GRIP1: variants seen among roughly 807,000 people sequenced by gnomAD.
GRIP1 encodes glutamate receptor interacting protein 1, also known as glutamate receptor-interacting protein 1.
GRIP1 carries 45 observed loss-of-function variants against 129.9 expected under a neutral mutation model. The ratio of observed to expected loss-of-function variants is 0.35; its 90% CI spans 0.27 to 0.44. GRIP1 has a LOEUF of 0.44. Among genes scored for constraint, GRIP1 ranks in the 20% least tolerant of loss-of-function variants. The pLI, the probability that GRIP1 is intolerant of heterozygous loss-of-function variation, is 1.00. For synonymous variants in GRIP1, 530 were observed against 520.8 expected, an observed-to-expected ratio of 1.02 and a Z score of -0.24; for missense variants, 1,196 against 1,396.8, an observed-to-expected ratio of 0.86 and a Z score of 2.29.
chr12:66,635,195 G>C (rs899387266), intron 1 of GRIP1, among the ~76,000 whole-genome samples: 1 of 152,116 alleles, frequency 6.6e-6, no homozygotes, highest in Non-Finnish European at 1.5e-5. Flanking sequence ...GAGGTAGGAA[G>C]ATGGTTGAGG....
chr12:66,614,076 T>C lies in GRIP1; in HGVS notation c.56-17149A>G. 1.3e-5 allele frequency among the ~76,000 whole-genome samples: 2 copies of C among 152,190 alleles called. 1 individual carries two copies. The highest frequency in any genetic ancestry group is 1.3e-4 in the Admixed American group (2 of 15,266). ...TCACTGACCACACCTTCTCAACCTC[T>C]GTTGGTGCCTCCTTCCCTTTCTCCT... On this transcript the variant is annotated intron_variant, in intron 1 of 24. Coordinates refer to ENST00000359742, the MANE Select transcript of GRIP1 (RefSeq NM_001366722.1).
At chr12:66,664,912 C>A (rs1454826480) in intron 1 of GRIP1, among the ~76,000 whole-genome samples, 2 of 152,128 alleles carry the variant, frequency 1.3e-5, no homozygotes, top group African/African-American at 2.4e-5. Flanking sequence ...CTCCCTCATT[C>A]CCCTTCCTCA....
intron 5 of GRIP1, among the ~76,000 whole-genome samples, chr12:66,525,190 A>G (rs1199095985): frequency 6.6e-6 from 1 of 152,228 alleles, no homozygotes; most frequent in Non-Finnish European, 1.5e-5. Context: ...TGAGGTTTGC[A>G]TTATCCTGAT....
At position 66,348,989 on chromosome 12, in the gene GRIP1, GTC is replaced by G. The variant is rs573740265; in HGVS notation, c.*28_*29del. On this transcript the variant is annotated 3_prime_UTR_variant, in exon 25 of 25. Transcript: ENST00000359742. ...GGATTTTTAGCACCATGTAGATATT[GTC>G]TTTTGTCCTGCTTTATAAAAAGCGT... 69 of 1,417,740 alleles carry G rather than the reference GTC, an allele frequency of 4.9e-5. No individual in the cohort carries two copies. Among genetic ancestry groups the G allele is most frequent in the Non-Finnish European group, 6.5e-5 (65 of 1,000,452 alleles). 87.8% of individuals were successfully genotyped at this position (1,417,740 alleles called of 1,614,324 possible).
intron 1 of GRIP1, among the ~76,000 whole-genome samples, chr12:67,018,009 T>C (rs1411297698): frequency 6.6e-6 from 1 of 152,208 alleles, no homozygotes; most frequent in Non-Finnish European, 1.5e-5. Context: ...CCACAACAGA[T>C]ACCTGAAATA....
Position 67,030,211 on chromosome 12 carries a change from AAAT to A in GRIP1, c.58+38836_58+38838del, listed in dbSNP as rs67187831. ...GGGTAACAGAGCGAGACTCTGTCTC[AAAT>A]AATAATAATAATAATAATAATAATA... is the stretch of plus-strand genomic sequence containing the variant. On this transcript the variant is annotated intron_variant, in intron 1 of 1. Coordinates refer to the GRIP1 transcript ENST00000643019. Among the ~76,000 whole-genome samples, 493 of 145,566 alleles carry A rather than the reference AAAT, an allele frequency of 3.4e-3. 1 individual carries two copies. Among genetic ancestry groups the A allele is most frequent in the African/African-American group, 0.01 (416 of 39,884 alleles).
chr12:66,388,322 T>C (rs2056441842), intron 19 of GRIP1, among the ~76,000 whole-genome samples: 1 of 152,210 alleles, frequency 6.6e-6, no homozygotes, highest in Non-Finnish European at 1.5e-5. Context: ...TAATTTCATT[T>C]TCTGAGAGAA....
chr12:66,949,827 G>A (rs2041728308), intron 1 of GRIP1, among the ~76,000 whole-genome samples: 1 of 147,852 alleles, frequency 6.8e-6, no homozygotes, highest in African/African-American at 2.5e-5. Context: ...GAGTGCAGTG[G>A]CGTGATCTCG....
At chr12:66,812,773 C>T (rs949056398) in intron 1 of GRIP1, among the ~76,000 whole-genome samples, 1 of 152,150 alleles carries the variant, frequency 6.6e-6, no homozygotes, top group Non-Finnish European at 1.5e-5. Context: ...TAGAACTGGT[C>T]CTATTTCACA....
At chr12:66,649,489 C>T (rs186324695) in intron 1 of GRIP1, among the ~76,000 whole-genome samples, 67 of 152,304 alleles carry the variant, frequency 4.4e-4, no homozygotes, top group African/African-American at 1.4e-3. Flanking sequence ...TGACAATGTG[C>T]AAGGAACCAT....
intron 1 of GRIP1, among the ~76,000 whole-genome samples, chr12:66,847,312 G>C (rs1259441623): frequency 6.6e-6 from 1 of 151,996 alleles, no homozygotes; most frequent in Admixed American, 6.6e-5. Flanking sequence ...GAATGATCTG[G>C]TCCCTTCCTA....
chr12:66,369,340 C>CTT (rs758593628), intron 23 of GRIP1, among the ~76,000 whole-genome samples: 2,011 of 106,678 alleles, frequency 0.019, 91 homozygotes, highest in African/African-American at 0.067. Context: ...TTAACAAGAT[C>CTT]TTTTTTTTTT....
At chr12:67,053,353 T>C (rs1427343476) in intron 1 of GRIP1, among the ~76,000 whole-genome samples, 6 of 152,220 alleles carry the variant, frequency 3.9e-5, no homozygotes, top group Non-Finnish European at 7.3e-5. Context: ...TGTAAACTCA[T>C]TTTATCCCAT....
chr12:66,616,967 G>C (rs2065064098), intron 1 of GRIP1, among the ~76,000 whole-genome samples: 1 of 151,992 alleles, frequency 6.6e-6, no homozygotes, highest in Admixed American at 6.6e-5. Flanking sequence ...AAGGGCCTCG[G>C]GCGTGCAGAT....
intron 1 of GRIP1, among the ~76,000 whole-genome samples, chr12:66,908,481 T>C (rs931730443): frequency 4.6e-5 from 7 of 152,208 alleles, no homozygotes; most frequent in African/African-American, 1.7e-4. Context: ...AGGTTAGCTG[T>C]CATGGGTGAC....
intron 5 of GRIP1, among the ~76,000 whole-genome samples, chr12:66,527,649 A>G (rs1295686350): frequency 6.6e-6 from 1 of 152,244 alleles, no homozygotes; most frequent in East Asian, 1.9e-4. Flanking sequence ...CATTGTGCAC[A>G]TGTACCCTAA....
chr12:66,864,936 T>A (rs1416147353), intron 1 of GRIP1, among the ~76,000 whole-genome samples: 1 of 152,268 alleles, frequency 6.6e-6, no homozygotes, highest in Non-Finnish European at 1.5e-5. Flanking sequence ...TGTGTTAGGA[T>A]GCAGTTTGAA....
At chr12:66,855,475 G>C (rs2039987523) in intron 1 of GRIP1, among the ~76,000 whole-genome samples, 1 of 151,758 alleles carries the variant, frequency 6.6e-6, no homozygotes, top group Non-Finnish European at 1.5e-5. Context: ...TCAGACTTGG[G>C]GCCCTTGCAT....
At chr12:66,887,538 C>T (rs2040585637) in intron 1 of GRIP1, among the ~76,000 whole-genome samples, 1 of 152,124 alleles carries the variant, frequency 6.6e-6, no homozygotes, top group African/African-American at 2.4e-5. Flanking sequence ...TAGATATCTC[C>T]ATCTAGGTCT....
Sources: allele counts gnomAD v4.1 joint callset (sites outside exome capture counted in the v4.1 genomes callset), GRCh38; gene constraint gnomAD v4.1.1; transcripts MANE v1.5; gene names NCBI Gene and HGNC (gene_info 2026-07-23, HGNC 2026-07-21).